The following PCDH9 variants were observed in gnomAD, a reference collection of about 807,000 sequenced individuals.
PCDH9 encodes the protein protocadherin 9.
In PCDH9, 24 loss-of-function variants were observed where a neutral mutation model predicts 70.6. That is an observed-to-expected ratio of 0.34 (90% CI 0.25 to 0.48). The LOEUF (loss-of-function observed/expected upper bound fraction) is 0.48. Among genes scored for constraint, PCDH9 ranks in the 20% least tolerant of loss-of-function variants. The pLI is 0.99. For missense variants in PCDH9, 1,281 were observed against 1,503.6 expected (o/e 0.85, Z 2.45); for synonymous variants, 562 against 558.5 (o/e 1.01, Z -0.09).
intron 2 of PCDH9, among the ~76,000 whole-genome samples, chr13:67,082,243 C>T (rs1376698489): frequency 1.3e-5 from 2 of 152,132 alleles, no homozygotes; most frequent in Non-Finnish European, 2.9e-5. Context: ...CCAACACCTC[C>T]CTACTTCCTC....
At chr13:66,708,242 G>C (rs928702532) in intron 3 of PCDH9, among the ~76,000 whole-genome samples, 1 of 151,172 alleles carries the variant, frequency 6.6e-6, no homozygotes, top group Non-Finnish European at 1.5e-5. Context: ...GTAGAGACGG[G>C]GTTTCACCGT....
intron 4 of PCDH9, among the ~76,000 whole-genome samples, chr13:66,418,844 C>T (rs1455320470): frequency 6.6e-6 from 1 of 151,520 alleles, no homozygotes; most frequent in Admixed American, 6.6e-5. Context: ...GACCGCTAGC[C>T]AGACTAATAA....
intron 2 of PCDH9, among the ~76,000 whole-genome samples, chr13:66,998,902 G>A (rs950295367): frequency 1.3e-5 from 2 of 151,974 alleles, no homozygotes; most frequent in African/African-American, 2.4e-5. Context: ...ATATTATTAA[G>A]GCTCAATTAA....
intron 3 of PCDH9, among the ~76,000 whole-genome samples, chr13:66,873,806 T>C (rs891655059): frequency 6.6e-5 from 10 of 152,218 alleles, no homozygotes; most frequent in African/African-American, 2.2e-4. Context: ...ACTCTAGATA[T>C]GCGTCATTGA....
At chr13:66,541,624 G>A (rs1451368683) in intron 4 of PCDH9, among the ~76,000 whole-genome samples, 2 of 151,986 alleles carry the variant, frequency 1.3e-5, no homozygotes, top group East Asian at 1.9e-4. Flanking sequence ...ACTTCTCTCC[G>A]TTTCTCTCTC....
chr13:66,768,478 A>G (rs1032968009), intron 3 of PCDH9, among the ~76,000 whole-genome samples: 1 of 152,066 alleles, frequency 6.6e-6, no homozygotes, highest in Non-Finnish European at 1.5e-5. Context: ...ATGCTAGTGA[A>G]TAGGGTATGA....
intron 3 of PCDH9, among the ~76,000 whole-genome samples, chr13:66,812,774 T>C (rs188349145): frequency 2.6e-4 from 40 of 152,294 alleles, no homozygotes; most frequent in Non-Finnish European, 4.9e-4. Context: ...TAGGAAATAA[T>C]TAGGAATAGG....
intron 4 of PCDH9, among the ~76,000 whole-genome samples, chr13:66,332,697 CT>C (rs144118102): frequency 4.9e-4 from 74 of 152,030 alleles, no homozygotes; most frequent in African/African-American, 1.7e-3. Context: ...GAGATGACTC[CT>C]GGGATCTATT....
At chr13:66,552,439 G>A (rs1252250319) in intron 4 of PCDH9, among the ~76,000 whole-genome samples, 1 of 151,976 alleles carries the variant, frequency 6.6e-6, no homozygotes, top group Non-Finnish European at 1.5e-5. Context: ...TGACTAATAG[G>A]AGACCAAAAT....
intron 3 of PCDH9, among the ~76,000 whole-genome samples, chr13:66,722,752 C>G (rs2324962): frequency 0.66 from 99,574 of 151,766 alleles, 32,931 homozygotes; most frequent in Middle Eastern, 0.73. Flanking sequence ...CTGATCACCT[C>G]AGGTCAGGAG....
intron 2 of PCDH9, among the ~76,000 whole-genome samples, chr13:66,922,390 C>T (rs1004952335): frequency 6.6e-6 from 1 of 151,272 alleles, no homozygotes; most frequent in South Asian, 2.1e-4. Context: ...CTTTCCCTTC[C>T]TAACCTGGGA....
intron 3 of PCDH9, among the ~76,000 whole-genome samples, chr13:66,728,663 C>G (rs75846664): frequency 5.9e-5 from 9 of 151,980 alleles, no homozygotes; most frequent in Non-Finnish European, 1.2e-4. Flanking sequence ...ACTAAGAATG[C>G]CTTCAAATAA....
At chr13:66,731,166 G>GA (rs1471456450) in intron 3 of PCDH9, among the ~76,000 whole-genome samples, 1 of 151,944 alleles carries the variant, frequency 6.6e-6, no homozygotes, top group African/African-American at 2.4e-5. Context: ...TATGGAAGAG[G>GA]AAATGATGAC....
At chr13:66,655,757 T>A (rs1593846181) in intron 3 of PCDH9, among the ~76,000 whole-genome samples, 1 of 152,200 alleles carries the variant, frequency 6.6e-6, no homozygotes, top group South Asian at 2.1e-4. Context: ...AAGAATGATA[T>A]CTTTTGCTTA....
At chr13:66,750,848 A>T (rs1425091718) in intron 3 of PCDH9, among the ~76,000 whole-genome samples, 5 of 152,140 alleles carry the variant, frequency 3.3e-5, no homozygotes, top group African/African-American at 1.2e-4. Flanking sequence ...GAGTGGTTAT[A>T]TTACCAGCAA....
At chr13:67,094,524 T>A (rs1339986536) in intron 2 of PCDH9, among the ~76,000 whole-genome samples, 2 of 152,220 alleles carry the variant, frequency 1.3e-5, no homozygotes, top group Non-Finnish European at 2.9e-5. Flanking sequence ...TTTGCATCTT[T>A]ACTTCTCAAA....
chr13:66,856,748 C>G (rs2081401630), intron 3 of PCDH9, among the ~76,000 whole-genome samples: 1 of 152,036 alleles, frequency 6.6e-6, no homozygotes, highest in African/African-American at 2.4e-5. Flanking sequence ...CAGTAACCGT[C>G]TTAGCATTGA....
At chr13:66,980,852 A>G (rs1378286634) in intron 2 of PCDH9, among the ~76,000 whole-genome samples, 1 of 150,464 alleles carries the variant, frequency 6.6e-6, no homozygotes, top group Non-Finnish European at 1.5e-5. Flanking sequence ...CCTTTTAAGT[A>G]GTAAAGACCA....
At chr13:66,717,392 T>C in intron 3 of PCDH9, among the ~76,000 whole-genome samples, 1 of 125,526 alleles carries the variant, frequency 8.0e-6, no homozygotes, top group Non-Finnish European at 1.6e-5. Context: ...GCAGAGGTTC[T>C]AGTAAGCCAA....
Sources: gnomAD v4.1 joint callset for allele counts (sites outside exome capture counted in the v4.1 genomes callset) on GRCh38, gnomAD v4.1.1 for gene constraint, MANE v1.5 for transcripts, NCBI Gene and HGNC (gene_info 2026-07-23, HGNC 2026-07-21) for gene names.